Variants in SYNCRIP observed in about 807,000 individuals in gnomAD.
SYNCRIP encodes the protein synaptotagmin binding cytoplasmic RNA interacting protein, also known as heterogeneous nuclear ribonucleoprotein Q.
Under a neutral mutation model 68.9 loss-of-function variants are expected in SYNCRIP, and 9 were observed. The observed-to-expected ratio is 0.13, with a 90% CI of 0.08 to 0.23. The LOEUF (loss-of-function observed/expected upper bound fraction) is 0.23, where lower values mean the gene tolerates loss of function less well. SYNCRIP is among the 10% of genes least tolerant of loss of function. SYNCRIP has a pLI of 1.00. For missense variants in SYNCRIP, 414 were observed against 770.6 expected, an observed-to-expected ratio of 0.54 and a Z score of 5.48; for synonymous variants, 258 against 254.0, an observed-to-expected ratio of 1.02 and a Z score of -0.15.
intron 4 of SYNCRIP, among the ~76,000 whole-genome samples, chr6:85,638,823 A>C (rs1391384902): frequency 6.6e-6 from 1 of 152,220 alleles, no homozygotes. Flanking sequence ...ACTTTTTGTC[A>C]ATCCATAAAA....
At chr6:85,626,712 T>C (rs149523610) in intron 6 of SYNCRIP, among the ~76,000 whole-genome samples, 26 of 152,324 alleles carry the variant, frequency 1.7e-4, no homozygotes, top group African/African-American at 6.3e-4. Flanking sequence ...ATCTGTAACA[T>C]AGGCAACACT....
chr6:85,623,889 G>C, intron 7 of SYNCRIP, 88 bp downstream of exon 7: 1 of 1,480,952 alleles, frequency 6.8e-7, no homozygotes, highest in Non-Finnish European at 9.2e-7. Context: ...GTCAATAAAT[G>C]TATTTAGAAC....
At chr6:85,642,980 C>G (rs1344576608), upstream of SYNCRIP, 1 of 151,834 alleles carries the variant, frequency 6.6e-6, no homozygotes, top group Non-Finnish European at 1.5e-5. Flanking sequence ...GGTGCGCGCG[C>G]GCGCCCCCGC....
In SYNCRIP at chr6:85,640,868, CA is replaced by C. The variant is rs558971945; in HGVS notation, c.149-305del. Among the ~76,000 whole-genome samples the C allele has an allele frequency of 3.7e-4, 57 of 152,270 alleles. No individual in the cohort carries two copies. The South Asian group carries it at 9.3e-3, about 25-fold the overall frequency. ...ACTTACGAATCCTAGAATCAACCAACAAAGTACCAAGCATGACAACTGAACC... is the reference window on the plus strand; with the variant it reads ...ACTTACGAATCCTAGAATCAACCAACAAGTACCAAGCATGACAACTGAACC... On this transcript the variant is annotated intron_variant, in intron 2 of 10. Coordinates refer to ENST00000369622, the MANE Select transcript of SYNCRIP (RefSeq NM_006372.5).
At chr6:85,628,119 G>A (rs1035883230) in intron 6 of SYNCRIP, among the ~76,000 whole-genome samples, 11 of 151,898 alleles carry the variant, frequency 7.2e-5, no homozygotes, top group Non-Finnish European at 1.5e-4. Flanking sequence ...ACAGTGACGC[G>A]ACTTCAGCTA....
chr6:85,624,771 CAT>C (rs1806847405), intron 6 of SYNCRIP, among the ~76,000 whole-genome samples: 1 of 152,198 alleles, frequency 6.6e-6, no homozygotes, highest in Non-Finnish European at 1.5e-5. Context: ...CAAAAAGCAA[CAT>C]GTCAAAGTGA....
At chr6:85,625,595 C>G (rs561410350) in intron 6 of SYNCRIP, among the ~76,000 whole-genome samples, 4 of 152,170 alleles carry the variant, frequency 2.6e-5, no homozygotes, top group African/African-American at 9.6e-5. Context: ...ACCATGTTGG[C>G]CAGGCTGGTC....
downstream of SYNCRIP, chr6:85,611,654 G>A (rs1344721121): frequency 6.6e-6 from 1 of 152,246 alleles, no homozygotes; most frequent in Admixed American, 6.5e-5. Context: ...TTCACCACTG[G>A]ACACTCACTG....
At chr6:85,632,006 G>A (rs574163148) in intron 6 of SYNCRIP, among the ~76,000 whole-genome samples, 4 of 152,140 alleles carry the variant, frequency 2.6e-5, no homozygotes, top group African/African-American at 4.8e-5. Context: ...TTTACAAATG[G>A]ATTTTTTTCA....
downstream of SYNCRIP, among the ~76,000 whole-genome samples, chr6:85,613,433 G>C (rs1364137932): frequency 1.3e-5 from 2 of 152,118 alleles, no homozygotes; most frequent in Non-Finnish European, 2.9e-5. Flanking sequence ...TTAAATTCAA[G>C]GGTGATGGAG....
chr6:85,615,981 T>A (rs1805718414), intron 10 of SYNCRIP, among the ~76,000 whole-genome samples: 1 of 152,228 alleles, frequency 6.6e-6, no homozygotes, highest in Non-Finnish European at 1.5e-5. Flanking sequence ...AGTTTTCCTG[T>A]TTCTACAATA....
intron 6 of SYNCRIP, among the ~76,000 whole-genome samples, chr6:85,632,527 C>T (rs980509164): frequency 1.3e-5 from 2 of 152,140 alleles, no homozygotes; most frequent in African/African-American, 4.8e-5. Context: ...TCCAAAAAAA[C>T]TTGAGATTTG....
intron 10 of SYNCRIP, among the ~76,000 whole-genome samples, chr6:85,618,041 A>G (rs1370012987): frequency 6.6e-6 from 1 of 152,102 alleles, no homozygotes; most frequent in Non-Finnish European, 1.5e-5. Flanking sequence ...TACTCATTTC[A>G]TTTTCAAAAT....
chr6:85,640,130 C>T (rs1192809200), intron 4 of SYNCRIP, 91 bp downstream of exon 4: 3 of 834,610 alleles, frequency 3.6e-6, no homozygotes, highest in East Asian at 2.4e-5. Flanking sequence ...CAACATCTAA[C>T]ATACATCCAT....
intron 6 of SYNCRIP, among the ~76,000 whole-genome samples, chr6:85,629,550 G>A (rs1331730830): frequency 2.7e-5 from 4 of 149,768 alleles, no homozygotes; most frequent in Non-Finnish European, 1.5e-5. Flanking sequence ...AGGGCCGGGT[G>A]CGGTGGCTCA....
intron 6 of SYNCRIP, among the ~76,000 whole-genome samples, chr6:85,630,706 G>C (rs2128293939): frequency 6.6e-6 from 1 of 152,264 alleles, no homozygotes; most frequent in Non-Finnish European, 1.5e-5. Flanking sequence ...ACAGCAAATG[G>C]TCCATGAGTT....
At chr6:85,643,738 G>C (rs892793307), upstream of SYNCRIP, 2 of 151,820 alleles carry the variant, frequency 1.3e-5, no homozygotes, top group Admixed American at 6.6e-5. Context: ...CCGCTTCCCG[G>C]AGGGCACCCA....
Position 85,640,332 on chromosome 6 carries a change from C to CA in SYNCRIP, c.268-5dup, listed in dbSNP as rs758809759. ...CACATAAAAAGGCACTTTTGTTCTG[C>CA]AAAAAAATGTTCCATTAATATTTAA... On this transcript the variant is annotated splice_polypyrimidine_tract_variant and splice_region_variant and intron_variant, in intron 3 of 10. Transcript: ENST00000369622. 2.0e-5 allele frequency: 32 copies of CA among 1,607,584 alleles called. No individual in the cohort carries two copies. The East Asian group carries it at 5.1e-4, about 26-fold the overall frequency.
intron 6 of SYNCRIP, among the ~76,000 whole-genome samples, chr6:85,635,543 G>A (rs1167335150): frequency 6.6e-6 from 1 of 152,122 alleles, no homozygotes; most frequent in East Asian, 1.9e-4. Flanking sequence ...GCTGAGGCAG[G>A]CATATCTTCT....
Sources: allele counts gnomAD v4.1 joint callset (sites outside exome capture counted in the v4.1 genomes callset), GRCh38; gene constraint gnomAD v4.1.1; transcripts MANE v1.5; gene names NCBI Gene and HGNC (gene_info 2026-07-23, HGNC 2026-07-21).